Variants in LIPC observed in about 807,000 individuals in gnomAD.
LIPC encodes lipase C, hepatic type.
Under a neutral mutation model 50.7 loss-of-function variants are expected in LIPC, and 44 were observed. The observed-to-expected ratio is 0.87, with a 90% CI of 0.68 to 1.11. The LOEUF (loss-of-function observed/expected upper bound fraction) is 1.11. LIPC is among the 50% of genes most tolerant of loss of function. The pLI, the probability that LIPC is intolerant of heterozygous loss-of-function variation, is 0.00. For missense variants in LIPC, 697 were observed against 648.2 expected (o/e 1.08, Z -0.82); for synonymous variants, 271 against 256.4 (o/e 1.06, Z -0.54).
At chr15:58,537,077 C>T (rs930211043) in intron 1 of LIPC, among the ~76,000 whole-genome samples, 1 of 152,242 alleles carries the variant, frequency 6.6e-6, no homozygotes, top group African/African-American at 2.4e-5. Flanking sequence ...GCTCCTCAGC[C>T]GCAGGGGAGC....
intron 5 of LIPC, among the ~76,000 whole-genome samples, chr15:58,546,326 T>G (rs1595940237): frequency 6.6e-6 from 1 of 152,366 alleles, no homozygotes. Context: ...TTATTCTTCC[T>G]TCTCTGGAAG....
chr15:58,540,111 T>A (rs1223546072), intron 2 of LIPC, among the ~76,000 whole-genome samples: 1 of 152,228 alleles, frequency 6.6e-6, no homozygotes, highest in Non-Finnish European at 1.5e-5. Flanking sequence ...ATCCATTATG[T>A]AATCAGTGCT....
At position 58,564,682 on chromosome 15, in the gene LIPC, G is replaced by A. The variant is rs185850072; in HGVS notation, c.1388+959G>A. 1.1e-3 allele frequency among the ~76,000 whole-genome samples: 163 copies of A among 152,216 alleles called. 1 individual carries two copies. Among genetic ancestry groups the A allele is most frequent in the African/African-American group, 3.6e-3 (150 of 41,524 alleles). On this transcript the variant is annotated intron_variant, in intron 8 of 8. Coordinates refer to ENST00000299022, the MANE Select transcript of LIPC (RefSeq NM_000236.3). The stretch of plus-strand genomic sequence containing the variant: ...GTGGAGGTTGCAGTTAGCCGAGATC[G>A]CGGCATTGCACTCCAGCCTGGATGA...
intron 1 of LIPC, among the ~76,000 whole-genome samples, chr15:58,519,055 A>G (rs1203231473): frequency 6.6e-6 from 1 of 152,182 alleles, no homozygotes; most frequent in East Asian, 1.9e-4. Flanking sequence ...TGAAAAGTTA[A>G]TAAACTACAC....
At chr15:58,463,496 G>A (rs573273343) in intron 1 of LIPC, among the ~76,000 whole-genome samples, 12 of 152,176 alleles carry the variant, frequency 7.9e-5, no homozygotes, top group East Asian at 1.9e-4. Flanking sequence ...TCAACTTCCC[G>A]CCCACTGCTC....
intron 1 of LIPC, among the ~76,000 whole-genome samples, chr15:58,459,515 T>C (rs1311245442): frequency 1.3e-5 from 2 of 152,034 alleles, no homozygotes; most frequent in African/African-American, 4.8e-5. Context: ...AAACCAGCAG[T>C]TTCTGGAGGA....
intron 1 of LIPC, among the ~76,000 whole-genome samples, chr15:58,500,614 T>G (rs911123696): frequency 6.6e-6 from 1 of 152,116 alleles, no homozygotes; most frequent in Non-Finnish European, 1.5e-5. Flanking sequence ...TCCCTGACTG[T>G]TTTCATATGT....
At chr15:58,437,301 C>T (rs149022713) in intron 1 of LIPC, among the ~76,000 whole-genome samples, 1 of 152,066 alleles carries the variant, frequency 6.6e-6, no homozygotes, top group Non-Finnish European at 1.5e-5. Context: ...TCAAAGGGAC[C>T]TGTGACCTCT....
At chr15:58,508,237 A>C (rs1180076423) in intron 1 of LIPC, among the ~76,000 whole-genome samples, 3 of 139,720 alleles carry the variant, frequency 2.1e-5, no homozygotes, top group African/African-American at 5.3e-5. Flanking sequence ...GGTAGGGCCA[A>C]GGGTGGGGGG....
At chr15:58,526,296 G>A (rs1190102222) in intron 1 of LIPC, among the ~76,000 whole-genome samples, 3 of 152,234 alleles carry the variant, frequency 2.0e-5, no homozygotes, top group Admixed American at 2.0e-4. Context: ...AGTGGTGTAA[G>A]GGCAGAACCC....
Position 58,548,550 on chromosome 15 carries a change from G to T in LIPC, c.1029G>T (p.Thr343=). Residue 343 remains threonine (T), a synonymous_variant, in exon 6 of 9, where the codon ACG becomes ACT. Coordinates refer to ENST00000299022, the MANE Select transcript of LIPC (RefSeq NM_000236.3). ...RSKSKRLFLV[T]RAQSPFKVYH... is the part of the protein sequence containing the mutation. The stretch of plus-strand genomic sequence containing the variant: ...AGAGCAAGAGGCTCTTCCTCGTAAC[G>T]CGAGCCCAGTCCCCCTTCAAAGGTG... 1 of 1,592,880 alleles carries T rather than the reference G, an allele frequency of 6.3e-7. No homozygotes were observed. The highest frequency in any genetic ancestry group is 1.8e-5 in the Admixed American group (1 of 56,150).
intron 1 of LIPC, among the ~76,000 whole-genome samples, chr15:58,445,799 T>G (rs1893674751): frequency 6.6e-6 from 1 of 152,236 alleles, no homozygotes; most frequent in Non-Finnish European, 1.5e-5. Flanking sequence ...CCCACTGGGC[T>G]GTTTTGAGGG....
chr15:58,563,663 C>G lies in LIPC; in HGVS notation c.1328C>G (p.Pro443Arg), dbSNP rs144856280. Residue 443 changes from proline (P) to arginine (R), a missense_variant, in exon 8 of 9, where the codon CCG becomes CGG. Physicochemically the swap from Pro to Arg is moderately radical, Grantham distance 103. Transcript: ENST00000299022. ...ACCATCATCCCATGGAGCACAGGGC[C>G]GCGCCACTCAGGCCTCGTTCTGAAG... ...VQTIIPWSTG[P>R]RHSGLVLKTI... 6.2e-7 allele frequency: 1 copy of G among 1,614,042 alleles called. No individual in the cohort carries two copies. Among genetic ancestry groups the G allele is most frequent in the East Asian group, 2.2e-5 (1 of 44,880 alleles).
At chr15:58,480,115 A>C (rs748273256) in intron 1 of LIPC, among the ~76,000 whole-genome samples, 3 of 152,198 alleles carry the variant, frequency 2.0e-5, no homozygotes, top group South Asian at 4.1e-4. Flanking sequence ...GTTCCCCACC[A>C]GTAACATTCA....
intron 1 of LIPC, among the ~76,000 whole-genome samples, chr15:58,517,196 C>G (rs918260591): frequency 3.3e-5 from 5 of 152,258 alleles, no homozygotes; most frequent in African/African-American, 9.6e-5. Context: ...TCACCTCACT[C>G]TCCTGTGTAT....
chr15:58,434,476 T>C (rs563129839), intron 1 of LIPC, among the ~76,000 whole-genome samples: 6 of 152,308 alleles, frequency 3.9e-5, no homozygotes, highest in African/African-American at 1.2e-4. Context: ...GGCGGTCGCA[T>C]AGCTGGTCAG....
At position 58,566,332 on chromosome 15, in the gene LIPC, A is replaced by G. The variant is rs1179118265; in HGVS notation, c.1389-2384A>G. 8.1e-6 allele frequency: 8 copies of G among 985,244 alleles called. No individual in the cohort carries two copies. The African/African-American group carries it at 1.4e-4, about 17-fold the overall frequency. 61.0% of individuals were successfully genotyped at this position (985,244 alleles called of 1,614,324 possible). ...CAATATGGCTGGCAGGATCGGATGG[A>G]CTCCAGTGTCAGCCAGTCCTAAACT... On this transcript the variant is annotated intron_variant, in intron 8 of 8. Transcript: ENST00000299022.
chr15:58,545,522 C>T (rs1042892071), intron 4 of LIPC, among the ~76,000 whole-genome samples: 2 of 152,188 alleles, frequency 1.3e-5, no homozygotes, highest in African/African-American at 4.8e-5. Context: ...CCTCTTTCCC[C>T]GCTAGCTAAT....
At chr15:58,519,658 C>T (rs1174719424) in intron 1 of LIPC, among the ~76,000 whole-genome samples, 32 of 152,242 alleles carry the variant, frequency 2.1e-4, no homozygotes, top group African/African-American at 7.7e-4. Flanking sequence ...GTTTGCAGAG[C>T]TCTTCATCAA....
Sources: allele counts gnomAD v4.1 joint callset (sites outside exome capture counted in the v4.1 genomes callset), GRCh38; gene constraint gnomAD v4.1.1; transcripts MANE v1.5; gene names NCBI Gene and HGNC (gene_info 2026-07-23, HGNC 2026-07-21).